PRKG1: variants seen among roughly 807,000 people sequenced by gnomAD.
PRKG1 encodes the protein protein kinase cGMP-dependent 1.
Under a neutral mutation model 88.1 loss-of-function variants are expected in PRKG1, and 35 were observed. The ratio of observed to expected loss-of-function variants is 0.40; its 90% CI spans 0.30 to 0.53. The LOEUF is 0.53. PRKG1 is among the 20% of genes least tolerant of loss of function. The probability of loss-of-function intolerance (pLI) is 0.59; values close to 1 mark genes in which losing one functional copy is unlikely to be tolerated. For synonymous variants in PRKG1, 303 were observed against 292.5 expected, an observed-to-expected ratio of 1.04 and a Z score of -0.37; for missense variants, 540 against 839.8, an observed-to-expected ratio of 0.64 and a Z score of 4.41.
intron 3 of PRKG1, among the ~76,000 whole-genome samples, chr10:51,744,120 T>A (rs1378528481): frequency 6.6e-6 from 1 of 152,148 alleles, no homozygotes; most frequent in African/African-American, 2.4e-5. Context: ...ATTCATATAC[T>A]TAAAATAGTA....
At chr10:51,967,763 G>T (rs1463806818) in intron 5 of PRKG1, among the ~76,000 whole-genome samples, 1 of 152,078 alleles carries the variant, frequency 6.6e-6, no homozygotes, top group African/African-American at 2.4e-5. Context: ...AGCGTCATGG[G>T]TTTTTACATG....
chr10:52,066,422 T>C (rs1220466642), intron 7 of PRKG1, among the ~76,000 whole-genome samples: 1 of 152,194 alleles, frequency 6.6e-6, no homozygotes, highest in East Asian at 1.9e-4. Context: ...CTGGCACTTA[T>C]CAAATACCCA....
Position 52,221,011 on chromosome 10 carries a change from C to G in PRKG1, c.1077-30559C>G, listed in dbSNP as rs575644662. On this transcript the variant is annotated intron_variant, in intron 9 of 17. Coordinates refer to ENST00000373980, the MANE Select transcript of PRKG1 (RefSeq NM_006258.4). ...TCAATGGCTGAACTAATTTACACTC[C>G]CACCAACAGTGTATAAGCATTCCTG... Among the ~76,000 whole-genome samples the G allele has an allele frequency of 2.6e-5, 4 of 152,198 alleles. No homozygotes were observed. The South Asian group carries it at 8.3e-4, about 32-fold the overall frequency.
chr10:51,222,239 T>A (rs1838560654), intron 2 of PRKG1, among the ~76,000 whole-genome samples: 1 of 151,270 alleles, frequency 6.6e-6, no homozygotes, highest in South Asian at 2.1e-4. Flanking sequence ...AGAGAGGAAC[T>A]GTTCCTCCCA....
intron 2 of PRKG1, among the ~76,000 whole-genome samples, chr10:51,308,734 G>C (rs1305836262): frequency 1.3e-5 from 2 of 152,138 alleles, no homozygotes; most frequent in African/African-American, 2.4e-5. Flanking sequence ...ATAACACAGA[G>C]CCAATAACTG....
chr10:51,891,128 GT>G (rs1234502380), intron 4 of PRKG1, among the ~76,000 whole-genome samples: 1 of 152,114 alleles, frequency 6.6e-6, no homozygotes, highest in African/African-American at 2.4e-5. Context: ...GCCAGGTGTG[GT>G]GGCATGTACT....
intron 7 of PRKG1, 140 bp from the exon 8 acceptor site, chr10:52,133,700 A>G: frequency 1.6e-6 from 1 of 639,718 alleles, no homozygotes. Context: ...AAATTTTGAA[A>G]CATAAACAAA....
At chr10:51,673,270 G>A (rs1564600833) in intron 3 of PRKG1, among the ~76,000 whole-genome samples, 1 of 152,136 alleles carries the variant, frequency 6.6e-6, no homozygotes, top group Non-Finnish European at 1.5e-5. Flanking sequence ...AAAATTAAGT[G>A]AAAAGAGAAA....
intron 3 of PRKG1, among the ~76,000 whole-genome samples, chr10:51,752,022 T>C (rs145652514): frequency 3.3e-5 from 5 of 152,346 alleles, no homozygotes; most frequent in African/African-American, 4.8e-5. Context: ...TTACTGATCT[T>C]TAAACCTTTC....
At chr10:51,881,680 T>A (rs991236629) in intron 4 of PRKG1, among the ~76,000 whole-genome samples, 1 of 152,190 alleles carries the variant, frequency 6.6e-6, no homozygotes, top group African/African-American at 2.4e-5. Context: ...TTTTAGGAGT[T>A]GTGCTAAGCC....
intron 2 of PRKG1, among the ~76,000 whole-genome samples, chr10:51,451,085 A>C (rs950822443): frequency 5.3e-5 from 8 of 151,888 alleles, no homozygotes; most frequent in Non-Finnish European, 1.0e-4. Context: ...CGACTACCAA[A>C]ACAACTATTT....
At chr10:51,803,359 C>T (rs1212708697) in intron 3 of PRKG1, among the ~76,000 whole-genome samples, 1 of 152,024 alleles carries the variant, frequency 6.6e-6, no homozygotes, top group Non-Finnish European at 1.5e-5. Context: ...AAGGAGGAGT[C>T]ATATTCTAGT....
At chr10:51,186,119 A>G (rs1233253320) in intron 2 of PRKG1, among the ~76,000 whole-genome samples, 1 of 151,382 alleles carries the variant, frequency 6.6e-6, no homozygotes, top group African/African-American at 2.4e-5. Context: ...CTTATTCTAC[A>G]TTTTTTCCTT....
intron 1 of PRKG1, among the ~76,000 whole-genome samples, chr10:51,090,946 C>T (rs1413805888): frequency 1.3e-5 from 2 of 152,164 alleles, no homozygotes; most frequent in Non-Finnish European, 2.9e-5. Context: ...GACCAAGAAG[C>T]TATCAGACGT....
intron 2 of PRKG1, among the ~76,000 whole-genome samples, chr10:51,303,276 C>G (rs1238633232): frequency 6.7e-6 from 1 of 148,864 alleles, no homozygotes; most frequent in African/African-American, 2.5e-5. Flanking sequence ...TGCTTTAATT[C>G]TTTTAATATG....
chr10:51,097,653 C>G (rs1308468893), intron 1 of PRKG1, among the ~76,000 whole-genome samples: 1 of 152,092 alleles, frequency 6.6e-6, no homozygotes, highest in Non-Finnish European at 1.5e-5. Context: ...GTCCAAAGTT[C>G]CAAAAGCACT....
At chr10:52,134,953 C>T (rs188604670) in intron 8 of PRKG1, among the ~76,000 whole-genome samples, 2 of 152,164 alleles carry the variant, frequency 1.3e-5, no homozygotes, top group East Asian at 3.9e-4. Context: ...ACAATAATTA[C>T]CAATTTGCTC....
intron 4 of PRKG1, among the ~76,000 whole-genome samples, chr10:51,820,456 C>A (rs1357224398): frequency 6.6e-6 from 1 of 152,124 alleles, no homozygotes; most frequent in African/African-American, 2.4e-5. Flanking sequence ...ATCTTGAGCA[C>A]CTGTTGTGTG....
intron 3 of PRKG1, among the ~76,000 whole-genome samples, chr10:51,714,915 CTA>C (rs1324844645): frequency 2.6e-5 from 4 of 152,264 alleles, no homozygotes; most frequent in South Asian, 2.1e-4. Context: ...AGAGTAATCT[CTA>C]TGTGTTCTTA....
Sources: allele counts gnomAD v4.1 joint callset (sites outside exome capture counted in the v4.1 genomes callset), GRCh38; gene constraint gnomAD v4.1.1; transcripts MANE v1.5; gene names NCBI Gene and HGNC (gene_info 2026-07-23, HGNC 2026-07-21).